The following GOLGA1 variants were observed in gnomAD, a reference collection of about 807,000 sequenced individuals.
GOLGA1 encodes the protein golgin A1.
In GOLGA1, 63 loss-of-function variants were observed where a neutral mutation model predicts 119.7. The observed-to-expected ratio is 0.53, with a 90% confidence interval of 0.43 to 0.65. The LOEUF (loss-of-function observed/expected upper bound fraction) is 0.65, where lower values mean the gene tolerates loss of function less well. Among genes scored for constraint, GOLGA1 ranks in the 30% least tolerant of loss-of-function variants. GOLGA1 has a pLI of 0.00. For synonymous variants in GOLGA1, 318 were observed against 333.4 expected (o/e 0.95, Z 0.50); for missense variants, 798 against 912.8 (o/e 0.87, Z 1.62).
chr9:124,892,075 C>T (rs1652522465), intron 15 of GOLGA1, among the ~76,000 whole-genome samples: 1 of 152,078 alleles, frequency 6.6e-6, no homozygotes, highest in South Asian at 2.1e-4. Context: ...CTGCCTCAGC[C>T]TCCCAGGTAG....
chr9:124,907,967 A>C (rs958980920), intron 12 of GOLGA1, among the ~76,000 whole-genome samples: 2 of 152,206 alleles, frequency 1.3e-5, no homozygotes, highest in African/African-American at 4.8e-5. Flanking sequence ...CTGGATGTCT[A>C]CCACATAGAT....
chr9:124,896,698 T>C (rs954387860), intron 15 of GOLGA1, among the ~76,000 whole-genome samples: 2 of 152,224 alleles, frequency 1.3e-5, no homozygotes, highest in African/African-American at 4.8e-5. Context: ...TCCCAGCACT[T>C]TGGGAGGCCA....
At chr9:124,936,345 G>A (rs552885007) in intron 3 of GOLGA1, among the ~76,000 whole-genome samples, 34 of 152,244 alleles carry the variant, frequency 2.2e-4, no homozygotes, top group African/African-American at 8.2e-4. Flanking sequence ...CAAGAAAGCA[G>A]GAGGAAGACT....
rs1464067935 is a variant in GOLGA1 at position 124,878,576 on chromosome 9, C to CTCT, written c.*1951_*1953dup. 2.0e-5 allele frequency: 3 copies of CTCT among 152,626 alleles called. No homozygotes were observed. The highest frequency in any genetic ancestry group is 4.4e-5 in the Non-Finnish European group (3 of 68,048). The allele number at this position is 152,626 out of a possible 1,614,324, so 9.5% of individuals were successfully genotyped here. A position where few individuals can be genotyped will look rare whatever the true frequency, so the allele number is the denominator to read the frequency against. On this transcript the variant is annotated 3_prime_UTR_variant, in exon 23 of 23. Coordinates refer to ENST00000373555, the MANE Select transcript of GOLGA1 (RefSeq NM_002077.4). ...TAAATCACTTAGAATATTTATTCCA[C>CTCT]TCTTCCTCTTAAAGCTGAAGGAAAT...
At chr9:124,898,776 G>A (rs1830034755) in intron 14 of GOLGA1, 132 bp from the exon 15 acceptor site, 1 of 619,864 alleles carries the variant, frequency 1.6e-6, no homozygotes, top group African/African-American at 1.9e-5. Context: ...AAGAAGCAGA[G>A]GGGACTGGTC....
At chr9:124,893,959 G>A (rs569258765) in intron 15 of GOLGA1, among the ~76,000 whole-genome samples, 1 of 152,302 alleles carries the variant, frequency 6.6e-6, no homozygotes, top group Non-Finnish European at 1.5e-5. Context: ...TTTACTGCAA[G>A]TGGAAGCATC....
chr9:124,893,609 G>T (rs980569760), intron 15 of GOLGA1, among the ~76,000 whole-genome samples: 2 of 152,108 alleles, frequency 1.3e-5, no homozygotes, highest in Admixed American at 6.6e-5. Flanking sequence ...TGGGGTGCTG[G>T]TTACTTCCCG....
chr9:124,916,419 T>C (rs1255789449), intron 10 of GOLGA1, among the ~76,000 whole-genome samples: 1 of 151,888 alleles, frequency 6.6e-6, no homozygotes, highest in African/African-American at 2.4e-5. Flanking sequence ...CTACTATGAA[T>C]GAAGATAGGG....
chr9:124,926,756 T>G lies in GOLGA1; in HGVS notation c.400-15A>C. ...TCTGACCATTCCTAAAACAAAACAATAAAAAAGTATGGTTTCCAGTGAAGA... is the reference window on the plus strand; with the variant it reads ...TCTGACCATTCCTAAAACAAAACAAGAAAAAAGTATGGTTTCCAGTGAAGA... On this transcript the variant is annotated splice_polypyrimidine_tract_variant and intron_variant, in intron 6 of 22. Transcript: ENST00000373555. 6.7e-7 allele frequency: 1 copy of G among 1,496,734 alleles called. No individual in the cohort carries two copies. The allele number at this position is 1,496,734 out of a possible 1,614,324, so 92.7% of individuals were successfully genotyped here.
At position 124,933,413 on chromosome 9, in the gene GOLGA1, ATTATTTAT is replaced by A. The variant is rs373483012; in HGVS notation, c.136-2015_136-2008del. ...TACCTGGTTTCCTTCTGGAGTCTGG[ATTATTTAT>A]TTATTTATTTATTTATTTAGACAGA... On this transcript the variant is annotated intron_variant, in intron 3 of 22. Transcript: ENST00000373555. Among the ~76,000 whole-genome samples, 9 of 151,454 alleles carry A rather than the reference ATTATTTAT, an allele frequency of 5.9e-5. No individual in the cohort carries two copies. In the South Asian group the frequency reaches 8.3e-4, roughly 14 times the overall value.
At chr9:124,925,012 A>G (rs891421274) in intron 7 of GOLGA1, among the ~76,000 whole-genome samples, 3 of 151,932 alleles carry the variant, frequency 2.0e-5, no homozygotes, top group African/African-American at 7.2e-5. Flanking sequence ...CCCGGGAGGC[A>G]GAGCTTGCAG....
chr9:124,880,289 CTG>C lies in GOLGA1; in HGVS notation c.*239_*240del, dbSNP rs1829545529. The C allele has an allele frequency of 2.6e-6, 1 of 383,770 alleles. No homozygotes were observed. The highest frequency in any genetic ancestry group is 3.7e-5 in the Admixed American group (1 of 26,870). 23.8% of individuals were successfully genotyped at this position (383,770 alleles called of 1,614,324 possible). A position where few individuals can be genotyped will look rare whatever the true frequency, so the allele number is the denominator to read the frequency against. ...GGCTGGAGCTGGGATATTAGCAGCA[CTG>C]TGGAAATCTGGGTAGTGCCAGGACC... On this transcript the variant is annotated 3_prime_UTR_variant, in exon 23 of 23. Transcript: ENST00000373555.
chr9:124,902,122 T>C (rs1275135996), intron 12 of GOLGA1, among the ~76,000 whole-genome samples: 5 of 152,152 alleles, frequency 3.3e-5, no homozygotes, highest in Non-Finnish European at 7.4e-5. Context: ...ATTATTATTA[T>C]TATTTTTGAG....
chr9:124,881,318 G>T lies in GOLGA1; in HGVS notation c.2137-61C>A. ...GTGAAGGTGAGGCGGGGTGGGGTCG[G>T]GGGAGCTACGTGGCATTTCCTGCTT... On this transcript the variant is annotated intron_variant, in intron 21 of 22. Coordinates refer to ENST00000373555, the MANE Select transcript of GOLGA1 (RefSeq NM_002077.4). The surrounding 1 kb of genome is among the most constrained non-coding windows in gnomAD (Gnocchi z 4.9). 1.1e-6 allele frequency: 1 copy of T among 923,976 alleles called. No individual in the cohort carries two copies. The highest frequency in any genetic ancestry group is 1.8e-6 in the Non-Finnish European group (1 of 549,734). The allele number at this position is 923,976 out of a possible 1,614,324, so 57.2% of individuals were successfully genotyped here.
At chr9:124,941,949 A>G (rs1831042522), upstream of GOLGA1, among the ~76,000 whole-genome samples, 1 of 152,104 alleles carries the variant, frequency 6.6e-6, no homozygotes, top group Non-Finnish European at 1.5e-5. Context: ...GCAGTAGGAA[A>G]ATAAACAAAA....
rs1325936455 is a variant in GOLGA1 at position 124,888,991 on chromosome 9, G to A, written c.1761+152C>T. On this transcript the variant is annotated intron_variant, in intron 18 of 22. Coordinates refer to ENST00000373555, the MANE Select transcript of GOLGA1 (RefSeq NM_002077.4). This position sits in a 1 kb window ranked among gnomAD's most constrained non-coding sequence, Gnocchi z 4.4. ...TGGGATTACAGGCGTGAGCCACTGC[G>A]CCTGGCCAAGTGCCCTACTTCAAAG... The A allele has an allele frequency of 1.6e-5, 10 of 607,794 alleles. No homozygotes were observed. The highest frequency in any genetic ancestry group is 4.8e-5 in the South Asian group (2 of 41,920). 37.7% of individuals were successfully genotyped at this position (607,794 alleles called of 1,614,324 possible). A position where few individuals can be genotyped will look rare whatever the true frequency, so the allele number is the denominator to read the frequency against.
intron 19 of GOLGA1, among the ~76,000 whole-genome samples, chr9:124,884,216 T>C (rs1829661378): frequency 6.6e-6 from 1 of 150,718 alleles, no homozygotes. Flanking sequence ...TTCACCATGT[T>C]GGCCAGGCTG....
intron 5 of GOLGA1, among the ~76,000 whole-genome samples, chr9:124,928,982 C>A (rs1353154501): frequency 2.6e-5 from 4 of 152,116 alleles, no homozygotes; most frequent in Non-Finnish European, 5.9e-5. Context: ...TGGATAGAGA[C>A]AAGCTGATAC....
intron 5 of GOLGA1, among the ~76,000 whole-genome samples, chr9:124,928,694 C>T (rs1830717363): frequency 6.6e-6 from 1 of 152,144 alleles, no homozygotes; most frequent in East Asian, 1.9e-4. Context: ...CTTTCTTTTA[C>T]TTTATTTTCC....
Sources: gnomAD v4.1 joint callset for allele counts (sites outside exome capture counted in the v4.1 genomes callset) on GRCh38, gnomAD v4.1.1 for gene constraint, Gnocchi (gnomAD v3.1) non-coding constraint, MANE v1.5 for transcripts, NCBI Gene and HGNC (gene_info 2026-07-23, HGNC 2026-07-21) for gene names.